Variants in RPN2 observed in about 807,000 individuals in gnomAD.
RPN2 encodes the protein ribophorin II, also known as dolichyl-diphosphooligosaccharide--protein glycosyltransferase subunit 2.
In RPN2, 29 loss-of-function variants were observed where a neutral mutation model predicts 71.4. The observed-to-expected ratio is 0.41, with a 90% CI of 0.30 to 0.55. The LOEUF is 0.55. RPN2 is among the 20% of genes least tolerant of loss of function. The pLI is 0.35. For missense variants in RPN2, 726 were observed against 774.1 expected (o/e 0.94, Z 0.74); for synonymous variants, 308 against 305.0 (o/e 1.01, Z -0.10).
chr20:37,217,571 G>A (rs1029396221), intron 9 of RPN2, among the ~76,000 whole-genome samples: 2 of 151,926 alleles, frequency 1.3e-5, no homozygotes, highest in African/African-American at 2.4e-5. Flanking sequence ...GATTACAGGC[G>A]TGAGCCACCA....
chr20:37,207,077 AAAAAAC>A (rs949482819), intron 6 of RPN2, among the ~76,000 whole-genome samples, 190 bp from the exon 7 acceptor site: 1 of 152,182 alleles, frequency 6.6e-6, no homozygotes, highest in African/African-American at 2.4e-5. Flanking sequence ...AAGATGGAAA[AAAAAAC>A]AACCACATCC....
chr20:37,189,167 T>G (rs547509696), intron 2 of RPN2, among the ~76,000 whole-genome samples: 5 of 152,072 alleles, frequency 3.3e-5, no homozygotes, highest in African/African-American at 4.8e-5. Flanking sequence ...ACTCTTGACC[T>G]CAGGTGATCC....
intron 11 of RPN2, among the ~76,000 whole-genome samples, chr20:37,227,208 T>TC (rs1396750557): frequency 6.6e-6 from 1 of 152,160 alleles, no homozygotes; most frequent in African/African-American, 2.4e-5. Flanking sequence ...CCCAGCTTCT[T>TC]CCCAGAATGA....
At chr20:37,212,605 G>A (rs1417210655) in intron 8 of RPN2, among the ~76,000 whole-genome samples, 1 of 151,814 alleles carries the variant, frequency 6.6e-6, no homozygotes, top group East Asian at 1.9e-4. Flanking sequence ...AGCTTCCTAA[G>A]TAGCTGGGAT....
At chr20:37,210,363 G>A (rs2067628763) in intron 8 of RPN2, among the ~76,000 whole-genome samples, 198 bp downstream of exon 8, 1 of 151,942 alleles carries the variant, frequency 6.6e-6, no homozygotes, top group African/African-American at 2.4e-5. Context: ...GTTTCTAGTT[G>A]GCTCTGTCTT....
rs951738848 is a variant in RPN2 at position 37,232,321 on chromosome 20, G to A, written c.1607G>A (p.Arg536Lys). 5 of 1,614,062 alleles carry A rather than the reference G, an allele frequency of 3.1e-6. No homozygotes were observed. Among genetic ancestry groups the A allele is most frequent in the Admixed American group, 3.3e-5 (2 of 59,996 alleles). The stretch of plus-strand genomic sequence containing the variant: ...CACCTGTTCCGCGAGCCTGAGAAGA[G>A]GCCCCCCACCGTGGTGTCCAATACA... ...IQHLFREPEK[R>K]PPTVVSNTFT... Residue 536 changes from arginine (R) to lysine (K), a missense_variant, in exon 14 of 17, where the codon AGG becomes AAG. Transcript: ENST00000237530.
intron 14 of RPN2, 111 bp from the exon 15 acceptor site, chr20:37,233,909 G>A (rs1215662203): frequency 2.6e-6 from 3 of 1,142,688 alleles, no homozygotes; most frequent in Non-Finnish European, 3.9e-6. Flanking sequence ...CTTCTAGGAT[G>A]CATGAACTTT....
rs773514600 is a variant in RPN2 at position 37,236,677 on chromosome 20, C to T, written c.1851C>T (p.Gly617=). ...AILGSVTFLA[G]NRMLAQQAVK... ...TGGGCAGTGTGACGTTTCTGGCTGG[C>T]AATCGGATGCTGGCCCAGCAGGCAG... The change falls in exon 16 of 17, where the codon GGC becomes GGT. Residue 617 remains glycine, a synonymous_variant. Transcript: ENST00000237530. 1 of 1,614,068 alleles carries T rather than the reference C, an allele frequency of 6.2e-7. No individual in the cohort carries two copies. The highest frequency in any genetic ancestry group is 1.6e-4 in the Middle Eastern group (1 of 6,062).
intron 2 of RPN2, among the ~76,000 whole-genome samples, chr20:37,190,355 C>T (rs2067113870): frequency 6.6e-6 from 1 of 152,190 alleles, no homozygotes; most frequent in Non-Finnish European, 1.5e-5. Context: ...ATTGGGCTGG[C>T]TGTGGCTTTA....
chr20:37,197,667 C>A (rs2067283757), intron 2 of RPN2, among the ~76,000 whole-genome samples: 1 of 152,102 alleles, frequency 6.6e-6, no homozygotes, highest in South Asian at 2.1e-4. Context: ...AGTGTAGTGG[C>A]ATGAACATGG....
chr20:37,240,884 C>A (rs1425899221), intron 16 of RPN2, among the ~76,000 whole-genome samples: 1 of 152,128 alleles, frequency 6.6e-6, no homozygotes, highest in Non-Finnish European at 1.5e-5. Context: ...ACAGAAGGGC[C>A]AAGTGTTGGT....
At chr20:37,234,131 C>T in intron 15 of RPN2, 36 bp downstream of exon 15, 2 of 1,606,352 alleles carry the variant, frequency 1.2e-6, no homozygotes, top group Non-Finnish European at 1.7e-6. Context: ...CTGTAACGTC[C>T]TCTGACATTT....
intron 6 of RPN2, among the ~76,000 whole-genome samples, chr20:37,206,704 A>G (rs2067516462): frequency 6.6e-6 from 1 of 152,048 alleles, no homozygotes; most frequent in Admixed American, 6.6e-5. Context: ...TTTGTGTAGT[A>G]AGCATTATTA....
intron 2 of RPN2, among the ~76,000 whole-genome samples, chr20:37,197,651 G>C (rs952380479): frequency 9.9e-5 from 15 of 152,088 alleles, no homozygotes; most frequent in African/African-American, 3.4e-4. Context: ...CTGTCTCCCA[G>C]ACTGGAGTGT....
chr20:37,238,796 G>GA (rs1395777130), intron 16 of RPN2: 1 of 564,262 alleles, frequency 1.8e-6, no homozygotes, highest in Non-Finnish European at 3.5e-6. Context: ...ATGAGGATAA[G>GA]ACAAATCCAA....
In RPN2 at chr20:37,199,073, A is replaced by G; in HGVS notation, c.327A>G (p.Lys109=). Residue 109 remains lysine (K), a synonymous_variant, in exon 4 of 17, where the codon AAA becomes AAG. Transcript: ENST00000237530. ...GCEISISNET[K]DLLLAAVSED... ...AGATCTCTATTTCAAATGAGACCAA[A>G]GATCTGCTTCTGGCAGCTGTCAGTG... is the stretch of plus-strand genomic sequence containing the variant. The G allele has an allele frequency of 6.2e-7, 1 of 1,613,770 alleles. No individual in the cohort carries two copies. The highest frequency in any genetic ancestry group is 8.5e-7 in the Non-Finnish European group (1 of 1,179,646).
intron 2 of RPN2, among the ~76,000 whole-genome samples, chr20:37,189,120 T>C (rs2067080285): frequency 6.6e-6 from 1 of 151,840 alleles, no homozygotes; most frequent in East Asian, 1.9e-4. Flanking sequence ...TTTTTGGTAG[T>C]GACAGGATTT....
chr20:37,198,267 T>C, intron 2 of RPN2, 130 bp from the exon 3 acceptor site: 1 of 1,538,106 alleles, frequency 6.5e-7, no homozygotes, highest in Non-Finnish European at 8.8e-7. Context: ...AAGTAACTAC[T>C]TAACTAAATT....
intron 14 of RPN2, 34 bp from the exon 15 acceptor site, chr20:37,233,986 A>G (rs2068316281): frequency 6.2e-7 from 1 of 1,611,396 alleles, no homozygotes; most frequent in Non-Finnish European, 8.5e-7. Flanking sequence ...TTAAGTTCTA[A>G]TGCCTTTTTA....
Sources: gnomAD v4.1 joint callset for allele counts (sites outside exome capture counted in the v4.1 genomes callset) on GRCh38, gnomAD v4.1.1 for gene constraint, MANE v1.5 for transcripts, NCBI Gene and HGNC (gene_info 2026-07-23, HGNC 2026-07-21) for gene names.